XKR6: variants seen among roughly 807,000 people sequenced by gnomAD.
XKR6 encodes the protein XK related 6.
Under a neutral mutation model 56.7 loss-of-function variants are expected in XKR6, and 22 were observed. The observed-to-expected ratio is 0.39, with a 90% confidence interval of 0.28 to 0.55. The LOEUF is 0.55. Among genes scored for constraint, XKR6 ranks in the 20% least tolerant of loss-of-function variants. XKR6 has a pLI of 0.66. For missense variants in XKR6, 852 were observed against 889.0 expected (o/e 0.96, Z 0.53); for synonymous variants, 524 against 387.8 (o/e 1.35, Z -4.13).
chr8:10,968,307 C>T (rs983128522), intron 1 of XKR6, among the ~76,000 whole-genome samples: 1 of 152,198 alleles, frequency 6.6e-6, no homozygotes, highest in Non-Finnish European at 1.5e-5. Context: ...CTCGGCTCAC[C>T]CATTTAAAAA....
chr8:11,138,536 A>C (rs995329831), intron 1 of XKR6: 2 of 152,246 alleles, frequency 1.3e-5, no homozygotes, highest in Non-Finnish European at 2.9e-5. Context: ...ATTTGATTTC[A>C]GATTCCTACT....
chr8:11,151,989 T>C (rs1396857607), intron 1 of XKR6, among the ~76,000 whole-genome samples: 3 of 152,072 alleles, frequency 2.0e-5, no homozygotes, highest in Non-Finnish European at 4.4e-5. Context: ...GTCAAGAAGA[T>C]CACAAGAAAA....
At chr8:10,914,238 G>A (rs1048225225) in intron 2 of XKR6, among the ~76,000 whole-genome samples, 1 of 152,140 alleles carries the variant, frequency 6.6e-6, no homozygotes. Flanking sequence ...AGCAAGGCAG[G>A]GGGTGGGACA....
intron 1 of XKR6, among the ~76,000 whole-genome samples, chr8:11,135,042 T>C (rs1182465787): frequency 6.6e-6 from 1 of 151,818 alleles, no homozygotes; most frequent in African/African-American, 2.4e-5. Context: ...TAATTTTTTT[T>C]TTTTTTTTGA....
chr8:10,924,001 G>A (rs1453339849), intron 2 of XKR6, among the ~76,000 whole-genome samples: 3 of 152,188 alleles, frequency 2.0e-5, no homozygotes, highest in African/African-American at 7.2e-5. Context: ...TTGTTGAATG[G>A]ATAAGCATCT....
chr8:10,984,806 A>G (rs959924632), intron 1 of XKR6, among the ~76,000 whole-genome samples: 1 of 149,436 alleles, frequency 6.7e-6, no homozygotes, highest in Non-Finnish European at 1.5e-5. Flanking sequence ...TAAGCAAATA[A>G]CAGACTTCAA....
intron 1 of XKR6, among the ~76,000 whole-genome samples, chr8:11,101,912 G>A (rs1195298114): frequency 2.0e-5 from 3 of 152,154 alleles, no homozygotes; most frequent in African/African-American, 7.2e-5. Flanking sequence ...CAATTTTAGT[G>A]TTGTATCTTG....
intron 1 of XKR6, among the ~76,000 whole-genome samples, chr8:11,075,842 C>T (rs767943861): frequency 6.6e-6 from 1 of 152,134 alleles, no homozygotes; most frequent in Admixed American, 6.5e-5. Flanking sequence ...CATTGCACTC[C>T]AGCCTGGGCA....
chr8:11,048,905 G>T (rs571984661), intron 1 of XKR6, among the ~76,000 whole-genome samples: 1 of 152,300 alleles, frequency 6.6e-6, no homozygotes, highest in Admixed American at 6.5e-5. Flanking sequence ...AGCCGGCCCC[G>T]CCTGTCTGTC....
intron 1 of XKR6, among the ~76,000 whole-genome samples, chr8:11,011,189 G>T (rs961400240): frequency 1.3e-4 from 20 of 152,188 alleles, no homozygotes; most frequent in Admixed American, 3.9e-4. Flanking sequence ...CTGCTTCAAG[G>T]AGTCCCCACC....
rs990196081 is a variant in XKR6, at chr8:10,897,676, T to A, written c.*276A>T. The A allele has an allele frequency of 8.9e-6, 3 of 338,864 alleles. No homozygotes were observed. The highest frequency in any genetic ancestry group is 6.3e-5 in the African/African-American group (3 of 47,290). The allele number at this position is 338,864 out of a possible 1,614,324, so 21.0% of individuals were successfully genotyped here. A position where few individuals can be genotyped will look rare whatever the true frequency, so the allele number is the denominator to read the frequency against. On this transcript the variant is annotated 3_prime_UTR_variant, in exon 3 of 3. Transcript: ENST00000416569. Reference sequence around the variant, plus strand: ...CGTGGGATTTTTCAATACTGTTTCTTATGTGTAAAAAACAAAAGAAAGGTT... The same window carrying A: ...CGTGGGATTTTTCAATACTGTTTCTAATGTGTAAAAAACAAAAGAAAGGTT...
At chr8:11,113,953 C>G (rs1563145612) in intron 1 of XKR6, 1 of 323,596 alleles carries the variant, frequency 3.1e-6, no homozygotes, top group African/African-American at 2.2e-5. Flanking sequence ...ACATGAAGGC[C>G]TCCCTCTCGC....
intron 1 of XKR6, among the ~76,000 whole-genome samples, chr8:11,181,471 T>C (rs1802978924): frequency 6.6e-6 from 1 of 152,248 alleles, no homozygotes. Flanking sequence ...AGTTTTCTTC[T>C]GGTTCCACTC....
chr8:11,113,314 C>G (rs28607910), intron 1 of XKR6, among the ~76,000 whole-genome samples: 29 of 152,136 alleles, frequency 1.9e-4, no homozygotes, highest in African/African-American at 7.0e-4. Context: ...CTTATAAGCT[C>G]CACTACCTCA....
intron 1 of XKR6, among the ~76,000 whole-genome samples, chr8:11,114,473 T>C (rs1799062610): frequency 6.6e-6 from 1 of 152,184 alleles, no homozygotes. Context: ...GCGATTCTCC[T>C]GCCTCAGCCT....
intron 1 of XKR6, among the ~76,000 whole-genome samples, chr8:11,068,540 T>C (rs1031728840): frequency 2.0e-5 from 3 of 152,188 alleles, no homozygotes; most frequent in African/African-American, 7.2e-5. Context: ...GCCTGCACAA[T>C]GCTTTCTCCT....
Position 11,201,072 on chromosome 8 carries a change from C to T in XKR6, c.268G>A (p.Gly90Arg). ...RKPRRSAAAD[G>R]GDQPLQPPAA... ...GGAGGCTGCAGCGGCTGGTCCCCCCCGTCGGCGGCGGCGCTGCGGCGCGGC... is the reference window on the plus strand; with the variant it reads ...GGAGGCTGCAGCGGCTGGTCCCCCCTGTCGGCGGCGGCGCTGCGGCGCGGC... Residue 90 changes from glycine to arginine, a missense_variant, in exon 1 of 3, where the codon GGG becomes AGG. Gly to Arg is a moderately radical substitution (Grantham distance 125). Around this residue, in one of 4 missense-constraint regions of XKR6, gnomAD observed 417 missense variants for 355.2 expected, o/e 1.17. Coordinates refer to ENST00000416569, the MANE Select transcript of XKR6 (RefSeq NM_173683.4). The T allele has an allele frequency of 1.5e-6, 2 of 1,331,510 alleles. No individual in the cohort carries two copies. The highest frequency in any genetic ancestry group is 1.9e-6 in the Non-Finnish European group (2 of 1,043,134). The allele number at this position is 1,331,510 out of a possible 1,614,324, so 82.5% of individuals were successfully genotyped here. A position where few individuals can be genotyped will look rare whatever the true frequency, so the allele number is the denominator to read the frequency against.
chr8:11,106,960 A>G (rs1758136765), intron 1 of XKR6, among the ~76,000 whole-genome samples: 1 of 152,082 alleles, frequency 6.6e-6, no homozygotes, highest in Non-Finnish European at 1.5e-5. Context: ...ACAAGAAGCT[A>G]CAGGAAGGGA....
intron 1 of XKR6, 143 bp from the exon 2 acceptor site, chr8:10,924,973 T>G (rs955505819): frequency 1.2e-6 from 1 of 869,456 alleles, no homozygotes; most frequent in African/African-American, 1.7e-5. Flanking sequence ...TGGACGGGGC[T>G]CTGGGGGGCT....
Sources: allele counts gnomAD v4.1 joint callset (sites outside exome capture counted in the v4.1 genomes callset), GRCh38; gene constraint gnomAD v4.1.1; regional missense constraint gnomAD v4.1.1; transcripts MANE v1.5; gene names NCBI Gene and HGNC (gene_info 2026-07-23, HGNC 2026-07-21).